Variants in CDH13 observed in about 807,000 individuals in gnomAD.
The protein encoded by CDH13 is cadherin 13.
A neutral mutation model predicts 63.8 loss-of-function variants in CDH13; 24 were observed. That is an observed-to-expected ratio of 0.38 (90% CI 0.27 to 0.53). The LOEUF is 0.53. Among genes scored for constraint, CDH13 ranks in the 20% least tolerant of loss-of-function variants. The probability of loss-of-function intolerance (pLI) is 0.85; values close to 1 mark genes in which losing one functional copy is unlikely to be tolerated. For synonymous variants in CDH13, 503 were observed against 355.3 expected (o/e 1.42, Z -4.67); for missense variants, 1,049 against 903.1 (o/e 1.16, Z -2.07).
intron 2 of CDH13, among the ~76,000 whole-genome samples, chr16:82,961,280 C>A (rs72790171): frequency 0.13 from 20,518 of 152,154 alleles, 1,769 homozygotes; most frequent in East Asian, 0.42. Flanking sequence ...GGCTTACAGC[C>A]GCCCGTCATT....
intron 11 of CDH13, among the ~76,000 whole-genome samples, chr16:83,767,476 G>T (rs1484475159): frequency 1.3e-5 from 2 of 152,190 alleles, no homozygotes; most frequent in Non-Finnish European, 2.9e-5. Flanking sequence ...ATGTGGAACT[G>T]TGAGTCAATT....
At chr16:83,004,471 G>C (rs1157625720) in intron 2 of CDH13, among the ~76,000 whole-genome samples, 2 of 152,094 alleles carry the variant, frequency 1.3e-5, no homozygotes, top group Non-Finnish European at 2.9e-5. Flanking sequence ...CTCTTCTTTT[G>C]AATGTCATGC....
chr16:83,202,011 A>C (rs1193503228), intron 4 of CDH13, among the ~76,000 whole-genome samples: 3 of 152,188 alleles, frequency 2.0e-5, no homozygotes, highest in East Asian at 3.9e-4. Context: ...ATTCATTTAC[A>C]CAAGCATTAA....
At chr16:82,968,622 C>T (rs150498692) in intron 2 of CDH13, among the ~76,000 whole-genome samples, 1 of 152,108 alleles carries the variant, frequency 6.6e-6, no homozygotes, top group Non-Finnish European at 1.5e-5. Flanking sequence ...ATTTAGATTC[C>T]AAGACCCATC....
At chr16:83,525,181 C>T (rs923920708) in intron 7 of CDH13, among the ~76,000 whole-genome samples, 1 of 152,118 alleles carries the variant, frequency 6.6e-6, no homozygotes, top group Non-Finnish European at 1.5e-5. Flanking sequence ...ATCCTTTGAA[C>T]CAACCACGGG....
intron 6 of CDH13, among the ~76,000 whole-genome samples, chr16:83,426,940 G>T (rs76158044): frequency 0.11 from 937 of 8,602 alleles, 62 homozygotes; most frequent in East Asian, 0.31. Flanking sequence ...TTTTTTTTTT[G>T]AAGACGGAGT....
intron 5 of CDH13, among the ~76,000 whole-genome samples, chr16:83,222,270 A>G (rs878987612): frequency 3.3e-5 from 5 of 152,196 alleles, no homozygotes; most frequent in Non-Finnish European, 7.3e-5. Flanking sequence ...GTGGTCAAGA[A>G]TGTTGTCATA....
intron 8 of CDH13, among the ~76,000 whole-genome samples, chr16:83,650,837 CT>C (rs1357830973): frequency 5.9e-5 from 9 of 152,266 alleles, no homozygotes; most frequent in Non-Finnish European, 1.3e-4. Flanking sequence ...TTTTAGGCGG[CT>C]GAGGCTGGAG....
At chr16:83,771,107 G>C (rs923210141) in intron 11 of CDH13, among the ~76,000 whole-genome samples, 1 of 152,126 alleles carries the variant, frequency 6.6e-6, no homozygotes, top group African/African-American at 2.4e-5. Flanking sequence ...CAGCCTGCCT[G>C]GTTTGCTTGG....
intron 6 of CDH13, among the ~76,000 whole-genome samples, chr16:83,366,416 G>A (rs996104053): frequency 6.6e-6 from 1 of 152,208 alleles, no homozygotes; most frequent in African/African-American, 2.4e-5. Flanking sequence ...CTGCATTAAG[G>A]AGCTTTACGT....
At chr16:83,141,478 G>C (rs1189821486) in intron 4 of CDH13, among the ~76,000 whole-genome samples, 1 of 152,166 alleles carries the variant, frequency 6.6e-6, no homozygotes, top group African/African-American at 2.4e-5. Context: ...TCTCTTCGCA[G>C]TGTTCTTAGA....
At chr16:83,168,146 A>C (rs1417074028) in intron 4 of CDH13, among the ~76,000 whole-genome samples, 2 of 152,048 alleles carry the variant, frequency 1.3e-5, no homozygotes, top group Non-Finnish European at 2.9e-5. Context: ...AGCGCCACAC[A>C]ATATACCTAG....
At chr16:82,655,874 A>G (rs147824817) in intron 1 of CDH13, among the ~76,000 whole-genome samples, 3 of 152,270 alleles carry the variant, frequency 2.0e-5, no homozygotes, top group Non-Finnish European at 4.4e-5. Flanking sequence ...GTCATGGCTC[A>G]CTACTCAAGT....
intron 8 of CDH13, among the ~76,000 whole-genome samples, chr16:83,605,061 C>G (rs1908198568): frequency 6.6e-6 from 1 of 152,088 alleles, no homozygotes; most frequent in Non-Finnish European, 1.5e-5. Flanking sequence ...ATCTGTCAAT[C>G]TTAAAAAATA....
At chr16:83,230,737 A>G (rs2039978774) in intron 5 of CDH13, among the ~76,000 whole-genome samples, 1 of 152,194 alleles carries the variant, frequency 6.6e-6, no homozygotes, top group Non-Finnish European at 1.5e-5. Flanking sequence ...TGGTGAGCCA[A>G]GATCATGCCA....
chr16:82,684,482 G>T (rs1161729818), intron 1 of CDH13, among the ~76,000 whole-genome samples: 1 of 152,138 alleles, frequency 6.6e-6, no homozygotes, highest in Non-Finnish European at 1.5e-5. Context: ...TAGTCAATTA[G>T]TGATGTCTGC....
intron 2 of CDH13, among the ~76,000 whole-genome samples, chr16:82,906,351 C>G (rs1424035559): frequency 6.6e-6 from 1 of 152,166 alleles, no homozygotes; most frequent in Non-Finnish European, 1.5e-5. Flanking sequence ...CCCCATTTCT[C>G]TGGTGTGAGT....
intron 10 of CDH13, among the ~76,000 whole-genome samples, chr16:83,729,889 A>G (rs1359921037): frequency 6.6e-6 from 1 of 152,184 alleles, no homozygotes; most frequent in Admixed American, 6.5e-5. Context: ...TGTGAAAAAG[A>G]AGGGTTTGGC....
intron 10 of CDH13, among the ~76,000 whole-genome samples, chr16:83,722,277 A>G (rs1171302670): frequency 6.6e-6 from 1 of 152,232 alleles, no homozygotes; most frequent in African/African-American, 2.4e-5. Flanking sequence ...ATGATAGTTA[A>G]GATTATATGA....
Sources: allele counts gnomAD v4.1 joint callset (sites outside exome capture counted in the v4.1 genomes callset), GRCh38; gene constraint gnomAD v4.1.1; transcripts MANE v1.5; gene names NCBI Gene and HGNC (gene_info 2026-07-23, HGNC 2026-07-21).